Variants in RBBP4 observed in about 807,000 individuals in gnomAD.
RBBP4 encodes histone-binding protein RBBP4.
A neutral mutation model predicts 57.2 loss-of-function variants in RBBP4; 3 were observed. That is an observed-to-expected ratio of 0.05 (90% CI 0.02 to 0.14). RBBP4 has a LOEUF of 0.14. Among genes scored for constraint, RBBP4 ranks in the 10% least tolerant of loss-of-function variants. RBBP4 has a pLI of 1.00. For missense variants in RBBP4, 107 were observed against 520.6 expected (o/e 0.21, Z 7.73); for synonymous variants, 151 against 171.5 (o/e 0.88, Z 0.93).
At position 32,651,333 on chromosome 1, in the gene RBBP4, C is replaced by T. The variant is rs1181488129; in HGVS notation, c.16+11C>T. 4.8e-6 allele frequency: 7 copies of T among 1,454,804 alleles called. No individual in the cohort carries two copies. The highest frequency in any genetic ancestry group is 1.4e-5 in the South Asian group (1 of 71,700). 90.1% of individuals were successfully genotyped at this position (1,454,804 alleles called of 1,614,324 possible). A position where few individuals can be genotyped will look rare whatever the true frequency, so the allele number is the denominator to read the frequency against. On this transcript the variant is annotated intron_variant, in intron 1 of 11. Coordinates refer to ENST00000373493, the MANE Select transcript of RBBP4 (RefSeq NM_005610.3). Reference sequence around the variant, plus strand: ...TGGCCGACAAGGAAGGTGAGGGTGCCGGGGCCGACCCAGGAGGGCAGTGGG... The same window carrying T: ...TGGCCGACAAGGAAGGTGAGGGTGCTGGGGCCGACCCAGGAGGGCAGTGGG...
chr1:32,679,037 C>T (rs1168700085), intron 11 of RBBP4, among the ~76,000 whole-genome samples: 1 of 152,152 alleles, frequency 6.6e-6, no homozygotes. Flanking sequence ...TGGCTTACTC[C>T]TATAATCCTA....
chr1:32,677,470 T>TAA (rs10626684), intron 11 of RBBP4, among the ~76,000 whole-genome samples: 2,129 of 147,020 alleles, frequency 0.014, 50 homozygotes, highest in African/African-American at 0.044. Flanking sequence ...ATCCTTTATT[T>TAA]AAAAAAAAAA....
At chr1:32,656,549 A>G (rs1259801184) in intron 2 of RBBP4, among the ~76,000 whole-genome samples, 2 of 152,040 alleles carry the variant, frequency 1.3e-5, no homozygotes, top group African/African-American at 4.8e-5. Flanking sequence ...ACCGGGTTTC[A>G]TCATGTTGGT....
chr1:32,684,086 A>C lies in RBBP4; in HGVS notation c.*4381A>C, dbSNP rs774569806. Reference sequence around the variant, plus strand: ...GTTCCAGGCTCTTGGGTAGTAGCATAGCCCTTTAAAAAGAGAGAGCCATTT... The same window carrying C: ...GTTCCAGGCTCTTGGGTAGTAGCATCGCCCTTTAAAAAGAGAGAGCCATTT... On this transcript the variant is annotated 3_prime_UTR_variant, in exon 12 of 12. Transcript: ENST00000373493. 6 of 1,610,646 alleles carry C rather than the reference A, an allele frequency of 3.7e-6. No homozygotes were observed. The highest frequency in any genetic ancestry group is 5.1e-6 in the Non-Finnish European group (6 of 1,179,914).
intron 2 of RBBP4, among the ~76,000 whole-genome samples, chr1:32,653,944 C>CACCGCGCCCGGCCTAGAAGCTTCT (rs1254952966): frequency 3.3e-5 from 5 of 151,990 alleles, no homozygotes; most frequent in Admixed American, 6.6e-5. Flanking sequence ...AGGCGTGAGC[C>CACCGCGCCCGGCCTAGAAGCTTCT]ACCGCGCCCG....
intron 3 of RBBP4, among the ~76,000 whole-genome samples, chr1:32,658,191 C>T (rs1357001520): frequency 6.6e-6 from 1 of 152,016 alleles, no homozygotes; most frequent in Non-Finnish European, 1.5e-5. Context: ...ATAACTACCC[C>T]TAAGGAGGTG....
At position 32,682,318 on chromosome 1, in the gene RBBP4, G is replaced by C. The variant is rs1212183005; in HGVS notation, c.*2613G>C. ...TGCCTGTAATCCCAGCTACTTAGCA[G>C]GCTGAGGCAGGAGTATTGTTTGAAC... On this transcript the variant is annotated 3_prime_UTR_variant, in exon 12 of 12. Coordinates refer to ENST00000373493, the MANE Select transcript of RBBP4 (RefSeq NM_005610.3). 1 of 157,176 alleles carries C rather than the reference G, an allele frequency of 6.4e-6. No homozygotes were observed. The highest frequency in any genetic ancestry group is 2.4e-5 in the African/African-American group (1 of 41,472). The allele number at this position is 157,176 out of a possible 1,614,324, so 9.7% of individuals were successfully genotyped here. A position where few individuals can be genotyped will look rare whatever the true frequency, so the allele number is the denominator to read the frequency against.
chr1:32,657,591 A>G lies in RBBP4; in HGVS notation c.310+19A>G, dbSNP rs752403124. On this transcript the variant is annotated intron_variant, in intron 3 of 11. Coordinates refer to ENST00000373493, the MANE Select transcript of RBBP4 (RefSeq NM_005610.3). ...AAAGGAGGTAGGAATCTTAAAGGTG[A>G]AAGAAGTAAAGATGTGTGGGTCATA... 10 of 1,611,220 alleles carry G rather than the reference A, an allele frequency of 6.2e-6. No homozygotes were observed. Among genetic ancestry groups the G allele is most frequent in the Admixed American group, 3.4e-5 (2 of 59,698 alleles).
Position 32,680,200 on chromosome 1 carries a change from G to A in RBBP4, c.*495G>A, listed in dbSNP as rs1215071377. 18 of 1,109,686 alleles carry A rather than the reference G, an allele frequency of 1.6e-5. No homozygotes were observed. In the South Asian group the frequency reaches 1.7e-4, roughly 10 times the overall value. The allele number at this position is 1,109,686 out of a possible 1,614,324, so 68.7% of individuals were successfully genotyped here. On this transcript the variant is annotated 3_prime_UTR_variant, in exon 12 of 12. Transcript: ENST00000373493. Reference sequence around the variant, plus strand: ...CTTTCCAGGATGCACATTTTCATACGTAGACCAGTTTCCTCTTGGTTTCTT... The same window carrying A: ...CTTTCCAGGATGCACATTTTCATACATAGACCAGTTTCCTCTTGGTTTCTT...
In RBBP4 at chr1:32,666,700, A is replaced by T. The variant is rs531837403; in HGVS notation, c.311-1525A>T. Reference sequence around the variant, plus strand: ...TGTTTTTGAAGTATGTGGGCGAAGGATTACCCAGGTGCCGAGGCAAGAGAC... The same window carrying T: ...TGTTTTTGAAGTATGTGGGCGAAGGTTTACCCAGGTGCCGAGGCAAGAGAC... On this transcript the variant is annotated intron_variant, in intron 3 of 11. Transcript: ENST00000373493. Among the ~76,000 whole-genome samples, 6 of 152,288 alleles carry T rather than the reference A, an allele frequency of 3.9e-5. No individual in the cohort carries two copies. In the East Asian group the frequency reaches 1.2e-3, roughly 29 times the overall value.
chr1:32,668,589 C>A, intron 4 of RBBP4, 150 bp from the exon 5 acceptor site: 1 of 836,336 alleles, frequency 1.2e-6, no homozygotes, highest in Non-Finnish European at 1.9e-6. Context: ...AATACTGGTG[C>A]TGTTTAAGCA....
At chr1:32,651,671 A>T in intron 1 of RBBP4, 2 of 733,656 alleles carry the variant, frequency 2.7e-6, no homozygotes, top group Non-Finnish European at 4.2e-6. Context: ...TTCGGCGCGC[A>T]CGAGCGTGCT....
In RBBP4 at chr1:32,684,500, CT is replaced by C. The variant is rs1475693491; in HGVS notation, c.*4796del. 6.3e-6 allele frequency: 9 copies of C among 1,435,802 alleles called. No individual in the cohort carries two copies. The Admixed American group carries it at 1.9e-4, about 30-fold the overall frequency. 88.9% of individuals were successfully genotyped at this position (1,435,802 alleles called of 1,614,324 possible). A position where few individuals can be genotyped will look rare whatever the true frequency, so the allele number is the denominator to read the frequency against. On this transcript the variant is annotated 3_prime_UTR_variant, in exon 12 of 12. Coordinates refer to ENST00000373493, the MANE Select transcript of RBBP4 (RefSeq NM_005610.3). ...TTTAATCTTGATAGCAGTATTGAGG[CT>C]GGTATTTATATGATAGGTTATGAAA...
chr1:32,678,364 T>C (rs983126009), intron 11 of RBBP4, among the ~76,000 whole-genome samples: 15 of 151,526 alleles, frequency 9.9e-5, no homozygotes, highest in African/African-American at 3.6e-4. Flanking sequence ...ATAGCTGGGA[T>C]TACAGGCGCC....
rs559084429 is a variant in RBBP4, at chr1:32,680,363, T to C, written c.*658T>C. On this transcript the variant is annotated 3_prime_UTR_variant, in exon 12 of 12. Coordinates refer to ENST00000373493, the MANE Select transcript of RBBP4 (RefSeq NM_005610.3). Reference sequence around the variant, plus strand: ...GTTTTTTTTTTTGTTGTTGGTTTTTTTTTTTTTTTTTTTAACTTGGGACCA... The same window carrying C: ...GTTTTTTTTTTTGTTGTTGGTTTTTCTTTTTTTTTTTTTAACTTGGGACCA... 2.0e-5 allele frequency: 23 copies of C among 1,131,646 alleles called. No individual in the cohort carries two copies. The highest frequency in any genetic ancestry group is 4.9e-5 in the Admixed American group (1 of 20,400). The allele number at this position is 1,131,646 out of a possible 1,614,324, so 70.1% of individuals were successfully genotyped here.
At chr1:32,671,154 T>A (rs1648859451) in intron 8 of RBBP4, among the ~76,000 whole-genome samples, 1 of 152,234 alleles carries the variant, frequency 6.6e-6, no homozygotes, top group South Asian at 2.1e-4. Flanking sequence ...GGAGTCATTT[T>A]TAATCAGACT....
rs988670419 is a variant in RBBP4 at position 32,669,788 on chromosome 1, G to A, written c.966+225G>A. 6.6e-6 allele frequency among the ~76,000 whole-genome samples: 1 copy of A among 152,120 alleles called. No homozygotes were observed. The highest frequency in any genetic ancestry group is 2.4e-5 in the African/African-American group (1 of 41,422). Reference sequence around the variant, plus strand: ...GCCCGTAGTCCCAGCTACTCGGGAGGCTGAGGCAGGAGAATGGCATGAAAC... The same window carrying A: ...GCCCGTAGTCCCAGCTACTCGGGAGACTGAGGCAGGAGAATGGCATGAAAC... On this transcript the variant is annotated intron_variant, in intron 8 of 11. Transcript: ENST00000373493. The surrounding 1 kb of genome is among the most constrained non-coding windows in gnomAD (Gnocchi z 4.9).
At chr1:32,652,241 CAA>C (rs903049601) in intron 2 of RBBP4, 180 bp downstream of exon 2, 32 of 676,430 alleles carry the variant, frequency 4.7e-5, no homozygotes, top group South Asian at 1.1e-4. Context: ...ACTTACCTGA[CAA>C]GAGAAAACAT....
intron 2 of RBBP4, among the ~76,000 whole-genome samples, chr1:32,653,003 A>G (rs1057261736): frequency 6.6e-6 from 1 of 152,224 alleles, no homozygotes; most frequent in African/African-American, 2.4e-5. Context: ...AAACACCTGA[A>G]GGTGGAATGG....
Sources: gnomAD v4.1 joint callset for allele counts (sites outside exome capture counted in the v4.1 genomes callset) on GRCh38, gnomAD v4.1.1 for gene constraint, Gnocchi (gnomAD v3.1) non-coding constraint, MANE v1.5 for transcripts, NCBI Gene and HGNC (gene_info 2026-07-23, HGNC 2026-07-21) for gene names.